The following CATSPERD variants were observed in gnomAD, a reference collection of about 807,000 sequenced individuals.
CATSPERD encodes catsper channel auxiliary subunit delta, also known as cation channel sperm-associated auxiliary subunit delta.
In CATSPERD, 86 loss-of-function variants were observed where a neutral mutation model predicts 98.1. That is an observed-to-expected ratio of 0.88 (90% confidence interval 0.74 to 1.05). CATSPERD has a LOEUF of 1.05. CATSPERD is among the 50% of genes least tolerant of loss of function. CATSPERD has a pLI of 0.00. For synonymous variants in CATSPERD, 394 were observed against 390.2 expected, an observed-to-expected ratio of 1.01 and a Z score of -0.12; for missense variants, 995 against 1,005.7, an observed-to-expected ratio of 0.99 and a Z score of 0.14.
At chr19:5,773,048 T>C (rs1320131490) in intron 20 of CATSPERD, 83 bp downstream of exon 20, 1 of 1,377,028 alleles carries the variant, frequency 7.3e-7, no homozygotes, top group Middle Eastern at 2.1e-4. Context: ...CGTGCGGCCA[T>C]GGAACTGAGT....
chr19:5,723,080 G>A (rs1489899057), intron 1 of CATSPERD, among the ~76,000 whole-genome samples: 2 of 151,194 alleles, frequency 1.3e-5, no homozygotes, highest in African/African-American at 4.9e-5. Context: ...CCAGCTACTC[G>A]GGAGGCTGAG....
chr19:5,735,973 G>A (rs991344376), intron 5 of CATSPERD, among the ~76,000 whole-genome samples: 1 of 148,034 alleles, frequency 6.8e-6, no homozygotes, highest in African/African-American at 2.5e-5. Context: ...GTAGAGATGG[G>A]GTTTCACGGT....
chr19:5,755,605 A>G (rs1317244058), intron 13 of CATSPERD, among the ~76,000 whole-genome samples: 1 of 151,940 alleles, frequency 6.6e-6, no homozygotes, highest in African/African-American at 2.4e-5. Context: ...CTCCATCTGT[A>G]CAAAAAACAT....
rs56352544 is a variant in CATSPERD at position 5,763,847 on chromosome 19, C to CTTTTTTTTTTTTTTTTT, written c.1506+556_1506+572dup. On this transcript the variant is annotated intron_variant, in intron 16 of 21. Coordinates refer to ENST00000381624, the MANE Select transcript of CATSPERD (RefSeq NM_152784.4). ...TGTTGGCCAGGCTGGTCTTGAACTC[C>CTTTTTTTTTTTTTTTTT]TTTTTTTTTTTTTTTTTTGACATGG... Among the ~76,000 whole-genome samples, 29 of 62,134 alleles carry CTTTTTTTTTTTTTTTTT rather than the reference C, an allele frequency of 4.7e-4. 8 individuals carry two copies. Among genetic ancestry groups the CTTTTTTTTTTTTTTTTT allele is most frequent in the Non-Finnish European group, 7.3e-4 (23 of 31,380 alleles). 40.8% of individuals were successfully genotyped at this position (62,134 alleles called of 152,430 possible). A position where few individuals can be genotyped will look rare whatever the true frequency, so the allele number is the denominator to read the frequency against.
chr19:5,759,841 C>A (rs1033266570), intron 15 of CATSPERD, among the ~76,000 whole-genome samples: 5 of 151,490 alleles, frequency 3.3e-5, no homozygotes, highest in African/African-American at 1.2e-4. Flanking sequence ...TCTGGGAGGT[C>A]AAGGCGGGCA....
chr19:5,757,539 C>G lies in CATSPERD; in HGVS notation c.1279-304C>G, dbSNP rs369798052. ...CTCAAACTCCCGACCTCAGGTGATC[C>G]ACCTGCCTCGGCCTCCCAAAGTGCT... On this transcript the variant is annotated intron_variant, in intron 13 of 21. Transcript: ENST00000381624. Among the ~76,000 whole-genome samples, 20 of 151,366 alleles carry G rather than the reference C, an allele frequency of 1.3e-4. No individual in the cohort carries two copies. In the East Asian group the frequency reaches 3.7e-3, roughly 28 times the overall value.
rs1285875256 is a variant in CATSPERD at position 5,763,239 on chromosome 19, C to T, written c.1452C>T (p.Thr484=). The T allele has an allele frequency of 1.2e-6, 2 of 1,614,068 alleles. No individual in the cohort carries two copies. Among genetic ancestry groups the T allele is most frequent in the South Asian group, 2.2e-5 (2 of 91,082 alleles). The change falls in exon 16 of 22, where the codon ACC becomes ACT. Residue 484 remains threonine, a synonymous_variant. Transcript: ENST00000381624. ...TSSLKKATMS[T]LTVDIANKEI... ...GTTTAAAGAAAGCCACCATGTCTACCTTAACTGTGGACATAGCAAACAAGG... is the reference window on the plus strand; with the variant it reads ...GTTTAAAGAAAGCCACCATGTCTACTTTAACTGTGGACATAGCAAACAAGG...
intron 13 of CATSPERD, among the ~76,000 whole-genome samples, chr19:5,754,556 G>GCCT (rs1253521127): frequency 6.6e-6 from 1 of 151,744 alleles, no homozygotes; most frequent in Non-Finnish European, 1.5e-5. Flanking sequence ...GTGCCACCAC[G>GCCT]CCTGGCTAAT....
At chr19:5,736,768 C>G (rs1383885664) in intron 5 of CATSPERD, among the ~76,000 whole-genome samples, 2 of 150,306 alleles carry the variant, frequency 1.3e-5, no homozygotes, top group Non-Finnish European at 3.0e-5. Flanking sequence ...AATAAATAAA[C>G]TTTTCTAGGC....
At chr19:5,773,012 G>A (rs1239759467) in intron 20 of CATSPERD, 47 bp downstream of exon 20, 4 of 1,580,218 alleles carry the variant, frequency 2.5e-6, no homozygotes, top group Non-Finnish European at 3.5e-6. Flanking sequence ...CAGCCCACCA[G>A]GGGGTGGGAG....
intron 15 of CATSPERD, among the ~76,000 whole-genome samples, chr19:5,759,800 G>A: frequency 6.6e-6 from 1 of 151,866 alleles, no homozygotes; most frequent in East Asian, 1.9e-4. Flanking sequence ...CCCGGGCCGG[G>A]CGCGGTGGCT....
chr19:5,746,634 C>T (rs1181388219), intron 9 of CATSPERD, among the ~76,000 whole-genome samples: 1 of 151,826 alleles, frequency 6.6e-6, no homozygotes, highest in East Asian at 1.9e-4. Context: ...GGGGTTTCAC[C>T]GTGTTAGCCA....
chr19:5,734,267 C>T (rs2055796495), intron 5 of CATSPERD, among the ~76,000 whole-genome samples: 1 of 152,204 alleles, frequency 6.6e-6, no homozygotes, highest in Non-Finnish European at 1.5e-5. Context: ...ATTTGGGAGT[C>T]TGCGGTAGGC....
At chr19:5,729,768 A>G (rs1029579004) in intron 3 of CATSPERD, 104 bp from the exon 4 acceptor site, 2 of 660,600 alleles carry the variant, frequency 3.0e-6, no homozygotes, top group Admixed American at 5.8e-5. Flanking sequence ...CCTGGTTACA[A>G]TACAAATTTT....
chr19:5,744,889 C>T (rs533782700), intron 8 of CATSPERD, among the ~76,000 whole-genome samples: 22 of 152,038 alleles, frequency 1.4e-4, no homozygotes, highest in African/African-American at 4.3e-4. Flanking sequence ...GTGTAAGCCA[C>T]GGCGCCCGGC....
Position 5,751,838 on chromosome 19 carries a change from C to G in CATSPERD, c.1164+15C>G. On this transcript the variant is annotated intron_variant, in intron 12 of 21. Transcript: ENST00000381624. ...GAAAGTGCAAGGTATGTGATCCTAA[C>G]TGTTTTGATCAATGTTCAATGTAGT... 1 of 1,598,054 alleles carries G rather than the reference C, an allele frequency of 6.3e-7. No individual in the cohort carries two copies. The highest frequency in any genetic ancestry group is 8.5e-7 in the Non-Finnish European group (1 of 1,169,594).
intron 7 of CATSPERD, among the ~76,000 whole-genome samples, chr19:5,742,081 T>C (rs2055985385): frequency 6.6e-6 from 1 of 151,704 alleles, no homozygotes; most frequent in Non-Finnish European, 1.5e-5. Flanking sequence ...AAAGGAAACC[T>C]AGCATCACTA....
chr19:5,746,277 G>A (rs1214095743), intron 9 of CATSPERD, among the ~76,000 whole-genome samples: 1 of 152,158 alleles, frequency 6.6e-6, no homozygotes, highest in Non-Finnish European at 1.5e-5. Context: ...TTAGGGCCAG[G>A]TAGACAGTGA....
chr19:5,748,053 G>A, intron 9 of CATSPERD, 107 bp from the exon 10 acceptor site: 1 of 813,340 alleles, frequency 1.2e-6, no homozygotes. Context: ...AAGAGCCACT[G>A]GCCGGGTGGG....
Sources: gnomAD v4.1 joint callset for allele counts (sites outside exome capture counted in the v4.1 genomes callset) on GRCh38, gnomAD v4.1.1 for gene constraint, MANE v1.5 for transcripts, NCBI Gene and HGNC (gene_info 2026-07-23, HGNC 2026-07-21) for gene names.